Variants in FAM78B observed in about 807,000 individuals in gnomAD.
FAM78B encodes the protein family with sequence similarity 78 member B, also known as protein FAM78B.
Under a neutral mutation model 20.0 loss-of-function variants are expected in FAM78B, and 10 were observed. The ratio of observed to expected loss-of-function variants is 0.50; its 90% CI spans 0.31 to 0.85. FAM78B has a LOEUF of 0.85. Among genes scored for constraint, FAM78B ranks in the 40% least tolerant of loss-of-function variants. FAM78B has a pLI of 0.05. For synonymous variants in FAM78B, 135 were observed against 132.8 expected (o/e 1.02, Z -0.12); for missense variants, 283 against 345.0 (o/e 0.82, Z 1.42).
intron 1 of FAM78B, among the ~76,000 whole-genome samples, chr1:166,090,535 G>A (rs1332245272): frequency 6.6e-6 from 1 of 152,114 alleles, no homozygotes; most frequent in Non-Finnish European, 1.5e-5. Context: ...TCCTTTCATG[G>A]GTAAAACTAA....
chr1:166,110,720 C>T (rs780090666), intron 1 of FAM78B, among the ~76,000 whole-genome samples: 22 of 152,280 alleles, frequency 1.4e-4, no homozygotes, highest in African/African-American at 4.3e-4. Flanking sequence ...AGAGCCTATG[C>T]GCCCAACTAT....
At chr1:166,114,583 G>T (rs1654187706) in intron 1 of FAM78B, among the ~76,000 whole-genome samples, 1 of 152,172 alleles carries the variant, frequency 6.6e-6, no homozygotes, top group Non-Finnish European at 1.5e-5. Flanking sequence ...GTCTGGGAAG[G>T]TTTCCAGCCA....
At chr1:166,084,205 CCACACACACA>C (rs374157991) in intron 1 of FAM78B, among the ~76,000 whole-genome samples, 1 of 121,072 alleles carries the variant, frequency 8.3e-6, no homozygotes, top group Non-Finnish European at 1.7e-5. Context: ...GATGTAGAAA[CCACACACACA>C]CACACACACA....
intron 1 of FAM78B, among the ~76,000 whole-genome samples, chr1:166,111,040 C>A (rs1391417481): frequency 2.6e-5 from 4 of 152,184 alleles, no homozygotes; most frequent in Non-Finnish European, 5.9e-5. Flanking sequence ...TCTTGGATAA[C>A]CCAGCTTGGA....
chr1:166,115,856 T>G (rs1167841762), intron 1 of FAM78B, among the ~76,000 whole-genome samples: 7 of 152,238 alleles, frequency 4.6e-5, no homozygotes, highest in African/African-American at 1.7e-4. Context: ...TTTCTGAACT[T>G]CAACTTCCTT....
At chr1:166,097,102 C>T (rs556074006) in intron 1 of FAM78B, among the ~76,000 whole-genome samples, 2 of 152,300 alleles carry the variant, frequency 1.3e-5, no homozygotes, top group Admixed American at 1.3e-4. Context: ...ACACCCCTGC[C>T]GGAGAAGCTG....
At chr1:166,153,246 C>A (rs569893782) in intron 1 of FAM78B, among the ~76,000 whole-genome samples, 43 of 152,080 alleles carry the variant, frequency 2.8e-4, no homozygotes, top group Non-Finnish European at 5.4e-4. Context: ...ATTTATCTCT[C>A]CAGAGAGAGA....
intron 1 of FAM78B, among the ~76,000 whole-genome samples, chr1:166,122,892 A>G (rs1388747246): frequency 6.6e-6 from 1 of 152,024 alleles, no homozygotes; most frequent in Non-Finnish European, 1.5e-5. Context: ...AGGATCCCAT[A>G]GAGTGGATTA....
At chr1:166,064,475 C>T (rs757089685), downstream of FAM78B, among the ~76,000 whole-genome samples, 2 of 152,162 alleles carry the variant, frequency 1.3e-5, no homozygotes, top group Non-Finnish European at 1.5e-5. Context: ...ACATTCCAGC[C>T]TCCTTTCCTT....
intron 1 of FAM78B, among the ~76,000 whole-genome samples, chr1:166,091,227 A>C (rs1653056900): frequency 6.6e-6 from 1 of 152,134 alleles, no homozygotes; most frequent in South Asian, 2.1e-4. Flanking sequence ...TGGCCTTGAC[A>C]GCTCCCCCAT....
At chr1:166,062,808 T>A (rs1428435615) in intron 2 of FAM78B, among the ~76,000 whole-genome samples, 1 of 152,246 alleles carries the variant, frequency 6.6e-6, no homozygotes, top group Non-Finnish European at 1.5e-5. Flanking sequence ...GCATGTATTA[T>A]CTTTCCTGTT....
At chr1:166,075,671 C>A (rs1180709487) in intron 1 of FAM78B, among the ~76,000 whole-genome samples, 1 of 152,214 alleles carries the variant, frequency 6.6e-6, no homozygotes, top group African/African-American at 2.4e-5. Context: ...TTATTTATTT[C>A]TCAGTGTCCT....
chr1:166,140,125 G>C (rs972225208), intron 1 of FAM78B, among the ~76,000 whole-genome samples: 2 of 152,228 alleles, frequency 1.3e-5, no homozygotes, highest in African/African-American at 4.8e-5. Context: ...GAATAAGATG[G>C]CCTTTCTAAC....
At chr1:166,109,818 A>ATATATGTGTGTG (rs1653932047) in intron 1 of FAM78B, among the ~76,000 whole-genome samples, 1 of 19,538 alleles carries the variant, frequency 5.1e-5, no homozygotes, top group African/African-American at 1.8e-4. Context: ...ATATATGTAT[A>ATATATGTGTGTG]TATATATATA....
intron 1 of FAM78B, chr1:166,148,033 T>C (rs568479359): frequency 9.8e-5 from 15 of 152,314 alleles, no homozygotes; most frequent in Middle Eastern, 3.4e-3. Context: ...CTCCTCTCCA[T>C]TGTGGTACAC....
chr1:166,138,404 C>T (rs1655152864), intron 1 of FAM78B, among the ~76,000 whole-genome samples: 1 of 152,056 alleles, frequency 6.6e-6, no homozygotes, highest in African/African-American at 2.4e-5. Flanking sequence ...ACCCAGACCC[C>T]CACCACAATG....
At chr1:166,120,225 T>C (rs1257919147) in intron 1 of FAM78B, among the ~76,000 whole-genome samples, 1 of 152,230 alleles carries the variant, frequency 6.6e-6, no homozygotes, top group South Asian at 2.1e-4. Context: ...TCAGCATTAT[T>C]TTCCTCATTT....
intron 1 of FAM78B, among the ~76,000 whole-genome samples, chr1:166,076,787 A>G (rs188155268): frequency 6.6e-6 from 1 of 152,326 alleles, no homozygotes; most frequent in African/African-American, 2.4e-5. Flanking sequence ...TTCAATTTAG[A>G]CACTGCTGCA....
chr1:166,056,538 A>G (rs1358081769), downstream of FAM78B, among the ~76,000 whole-genome samples: 1 of 152,156 alleles, frequency 6.6e-6, no homozygotes, highest in African/African-American at 2.4e-5. Flanking sequence ...TGCCTGGATG[A>G]ATCTGACCAT....
Sources: allele counts gnomAD v4.1 joint callset (sites outside exome capture counted in the v4.1 genomes callset), GRCh38; gene constraint gnomAD v4.1.1; transcripts MANE v1.5; gene names NCBI Gene and HGNC (gene_info 2026-07-23, HGNC 2026-07-21).